The following GSE1 variants were observed in gnomAD, a reference collection of about 807,000 sequenced individuals.
GSE1 encodes Gse1 coiled-coil protein, also known as genetic suppressor element 1.
In GSE1, 32 loss-of-function variants were observed where a neutral mutation model predicts 112.6. The observed-to-expected ratio is 0.28, with a 90% CI of 0.21 to 0.38. GSE1 has a LOEUF of 0.38. Among genes scored for constraint, GSE1 ranks in the 10% least tolerant of loss-of-function variants. The pLI is 1.00. For synonymous variants in GSE1, 1,115 were observed against 735.6 expected (o/e 1.52, Z -8.35); for missense variants, 2,348 against 1,699.2 (o/e 1.38, Z -6.71).
rs889698278 is a variant in GSE1, at chr16:85,503,271, G to A, written c.2465-130643G>A. ...AGGGGTCACCACACGGGTGTCTCACGGAGGGTCAGCTGCCAAAATGACCTG... is the reference window on the plus strand; with the variant it reads ...AGGGGTCACCACACGGGTGTCTCACAGAGGGTCAGCTGCCAAAATGACCTG... On this transcript the variant is annotated intron_variant, in intron 2 of 2. Coordinates refer to the GSE1 transcript ENST00000637419. Among the ~76,000 whole-genome samples, 9 of 152,232 alleles carry A rather than the reference G, an allele frequency of 5.9e-5. No individual in the cohort carries two copies. In the East Asian group the frequency reaches 9.6e-4, roughly 16 times the overall value.
chr16:85,672,343 TC>T lies in GSE1; in HGVS notation c.3520-61del, dbSNP rs757417328. 7.0e-6 allele frequency: 9 copies of T among 1,287,180 alleles called. 1 individual carries two copies. The South Asian group carries it at 1.1e-4, about 16-fold the overall frequency. The allele number at this position is 1,287,180 out of a possible 1,614,324, so 79.7% of individuals were successfully genotyped here. ...ACCCTTCCATCCAGCATGTTTGTAC[TC>T]TACATGCTTGTCCTTACAGAGGAAA... On this transcript the variant is annotated intron_variant, in intron 15 of 15. Coordinates refer to ENST00000253458, the MANE Select transcript of GSE1 (RefSeq NM_014615.5).
At chr16:85,197,911 G>A (rs537010151) in intron 1 of GSE1, among the ~76,000 whole-genome samples, 4 of 152,318 alleles carry the variant, frequency 2.6e-5, no homozygotes, top group South Asian at 2.1e-4. Flanking sequence ...TTCTCGTGAG[G>A]TGTGTTTTCT....
At chr16:85,408,127 C>A (rs867199368) in intron 2 of GSE1, among the ~76,000 whole-genome samples, 1 of 35,370 alleles carries the variant, frequency 2.8e-5, no homozygotes, top group Admixed American at 2.1e-4. Flanking sequence ...TACTCTCAGG[C>A]CCCCTGGATA....
At chr16:85,207,558 G>C (rs1433161007) in intron 1 of GSE1, among the ~76,000 whole-genome samples, 2 of 71,766 alleles carry the variant, frequency 2.8e-5, no homozygotes, top group African/African-American at 1.2e-4. Flanking sequence ...AGCGGCAGGA[G>C]ATCTTCTCAG....
chr16:85,402,512 A>G (rs1308277436), intron 2 of GSE1, among the ~76,000 whole-genome samples: 1 of 152,170 alleles, frequency 6.6e-6, no homozygotes, highest in Non-Finnish European at 1.5e-5. Context: ...GTGGACCCAG[A>G]GAGAGTGGCC....
At chr16:85,173,813 C>T (rs747419970) in intron 1 of GSE1, among the ~76,000 whole-genome samples, 7 of 152,238 alleles carry the variant, frequency 4.6e-5, no homozygotes, top group African/African-American at 1.4e-4. Flanking sequence ...CTGGTGTGGA[C>T]GGGAACGCAG....
At chr16:85,637,991 C>T (rs1287789194) in intron 2 of GSE1, among the ~76,000 whole-genome samples, 4 of 152,196 alleles carry the variant, frequency 2.6e-5, no homozygotes, top group African/African-American at 7.2e-5. Flanking sequence ...GCAGAGCTGG[C>T]GCACCCAGGG....
chr16:85,495,020 C>T (rs1015353602), intron 2 of GSE1, among the ~76,000 whole-genome samples: 5 of 152,184 alleles, frequency 3.3e-5, no homozygotes, highest in South Asian at 2.1e-4. Flanking sequence ...GGGTCCGGCC[C>T]GGCCCAGGAG....
intron 1 of GSE1, among the ~76,000 whole-genome samples, chr16:85,352,321 C>T (rs2046866954): frequency 6.6e-6 from 1 of 152,192 alleles, no homozygotes; most frequent in Non-Finnish European, 1.5e-5. Context: ...CCCTTTCATC[C>T]TTCCCCATTA....
intron 1 of GSE1, among the ~76,000 whole-genome samples, chr16:85,597,395 A>AG (rs2047279619): frequency 6.6e-6 from 1 of 151,550 alleles, no homozygotes; most frequent in Non-Finnish European, 1.5e-5. Context: ...AAAAAAAAAA[A>AG]AAAGAAGAAG....
rs748456753 is a variant in GSE1 at position 85,666,270 on chromosome 16, T to G, written c.3053T>G (p.Phe1018Cys). ...TNGKSKPWEP[F>C]VAEEFAHQFH... Reference sequence around the variant, plus strand: ...GGGAAGAGCAAGCCGTGGGAGCCCTTTGTGGCAGAAGAGTTTGCACATCAG... The same window carrying G: ...GGGAAGAGCAAGCCGTGGGAGCCCTGTGTGGCAGAAGAGTTTGCACATCAG... The change falls in exon 13 of 16, where the codon TTT becomes TGT. Residue 1018 changes from phenylalanine to cysteine, a missense_variant. By Grantham distance (205) the Phe-to-Cys change is radical. Coordinates refer to ENST00000253458, the MANE Select transcript of GSE1 (RefSeq NM_014615.5). The G allele has an allele frequency of 6.2e-7, 1 of 1,613,878 alleles. No homozygotes were observed. The highest frequency in any genetic ancestry group is 1.1e-5 in the South Asian group (1 of 91,088).
intron 2 of GSE1, among the ~76,000 whole-genome samples, chr16:85,400,157 C>A (rs12929971): frequency 0.082 from 12,524 of 152,290 alleles, 650 homozygotes; most frequent in Middle Eastern, 0.14. Flanking sequence ...GGCAAAAAAA[C>A]GGAGAATGAT....
At chr16:85,527,684 C>T (rs1191927669) in intron 2 of GSE1, among the ~76,000 whole-genome samples, 6 of 152,238 alleles carry the variant, frequency 3.9e-5, no homozygotes, top group Non-Finnish European at 8.8e-5. Context: ...GAATGTGGGG[C>T]CAGCAGCGGG....
At chr16:85,324,000 A>C (rs1373207021) in intron 1 of GSE1, among the ~76,000 whole-genome samples, 1 of 152,236 alleles carries the variant, frequency 6.6e-6, no homozygotes, top group African/African-American at 2.4e-5. Context: ...TGAAAGCTTA[A>C]CCAAGGTCTC....
At chr16:85,441,568 A>T (rs963261696) in intron 2 of GSE1, among the ~76,000 whole-genome samples, 9 of 152,146 alleles carry the variant, frequency 5.9e-5, no homozygotes, top group African/African-American at 2.2e-4. Flanking sequence ...AATCGCTTCA[A>T]CCTGGGAGGC....
At chr16:85,203,152 C>T (rs1001911861) in intron 1 of GSE1, among the ~76,000 whole-genome samples, 13 of 152,004 alleles carry the variant, frequency 8.6e-5, no homozygotes, top group African/African-American at 2.9e-4. Flanking sequence ...TCTGAGCTCA[C>T]ACCTGGCTCT....
intron 1 of GSE1, among the ~76,000 whole-genome samples, chr16:85,573,780 A>C (rs1421914362): frequency 1.3e-5 from 2 of 152,218 alleles, no homozygotes; most frequent in East Asian, 3.9e-4. Context: ...TCCTCCGGCC[A>C]CCAGTTGCCT....
chr16:85,196,191 G>A (rs1163014901), intron 1 of GSE1, among the ~76,000 whole-genome samples: 2 of 152,196 alleles, frequency 1.3e-5, no homozygotes, highest in Non-Finnish European at 2.9e-5. Context: ...GTGGGTAGAG[G>A]GTTGGGGCCC....
upstream of GSE1, among the ~76,000 whole-genome samples, chr16:85,609,599 T>G (rs2047874693): frequency 6.6e-6 from 1 of 152,196 alleles, no homozygotes; most frequent in African/African-American, 2.4e-5. Context: ...TCTTAGTTCC[T>G]GAGCTCAGGG....
Sources: allele counts gnomAD v4.1 joint callset (sites outside exome capture counted in the v4.1 genomes callset), GRCh38; gene constraint gnomAD v4.1.1; transcripts MANE v1.5; gene names NCBI Gene and HGNC (gene_info 2026-07-23, HGNC 2026-07-21).